Variants in CPQ observed in about 807,000 individuals in gnomAD.
The protein encoded by CPQ is carboxypeptidase Q.
CPQ carries 37 observed loss-of-function variants against 45.7 expected under a neutral mutation model. The ratio of observed to expected loss-of-function variants is 0.81; its 90% CI spans 0.62 to 1.07. The LOEUF is 1.07. Among genes scored for constraint, CPQ ranks in the 50% least tolerant of loss-of-function variants. The pLI, the probability that CPQ is intolerant of heterozygous loss-of-function variation, is 0.00. For synonymous variants in CPQ, 186 were observed against 205.8 expected (o/e 0.90, Z 0.82); for missense variants, 537 against 572.9 (o/e 0.94, Z 0.64).
At chr8:97,055,102 G>A (rs1186886209) in intron 6 of CPQ, among the ~76,000 whole-genome samples, 1 of 152,064 alleles carries the variant, frequency 6.6e-6, no homozygotes, top group Non-Finnish European at 1.5e-5. Context: ...GTGATTGTTG[G>A]TTTTGCTCTC....
At chr8:96,792,518 T>C (rs1438090132) in intron 2 of CPQ, among the ~76,000 whole-genome samples, 1 of 152,226 alleles carries the variant, frequency 6.6e-6, no homozygotes, top group Non-Finnish European at 1.5e-5. Flanking sequence ...TAGGATTGTA[T>C]GTTTTTATTA....
intron 1 of CPQ, among the ~76,000 whole-genome samples, chr8:96,683,617 A>C (rs1809181415): frequency 6.6e-6 from 1 of 151,968 alleles, no homozygotes; most frequent in South Asian, 2.1e-4. Flanking sequence ...CAGGTTTTCT[A>C]TGTTGTTATC....
At chr8:96,964,005 C>A (rs1813508503) in intron 4 of CPQ, among the ~76,000 whole-genome samples, 1 of 151,256 alleles carries the variant, frequency 6.6e-6, no homozygotes, top group Non-Finnish European at 1.5e-5. Context: ...TTTTCCATTT[C>A]TATATTATTG....
At chr8:97,118,655 T>C (rs565699201) in intron 7 of CPQ, among the ~76,000 whole-genome samples, 9 of 152,272 alleles carry the variant, frequency 5.9e-5, no homozygotes, top group African/African-American at 2.2e-4. Context: ...CCTCACAGCT[T>C]GAGGTAGCAT....
At chr8:96,962,202 T>C (rs1181684407) in intron 4 of CPQ, among the ~76,000 whole-genome samples, 2 of 152,204 alleles carry the variant, frequency 1.3e-5, no homozygotes, top group Non-Finnish European at 2.9e-5. Flanking sequence ...GCCTCGCAAA[T>C]AACAAACCCT....
At chr8:96,655,789 C>T (rs1425700987) in intron 1 of CPQ, among the ~76,000 whole-genome samples, 9 of 152,118 alleles carry the variant, frequency 5.9e-5, no homozygotes, top group Non-Finnish European at 8.8e-5. Flanking sequence ...CTGATAAGTC[C>T]GTTGTAAAGT....
chr8:96,743,788 A>C (rs374874306), intron 1 of CPQ, among the ~76,000 whole-genome samples: 1 of 145,768 alleles, frequency 6.9e-6, no homozygotes, highest in African/African-American at 2.5e-5. Context: ...TAGGCTGCTC[A>C]GGGGTCAGGG....
At chr8:96,695,706 G>C (rs1462775912) in intron 1 of CPQ, among the ~76,000 whole-genome samples, 3 of 151,544 alleles carry the variant, frequency 2.0e-5, no homozygotes, top group Non-Finnish European at 2.9e-5. Context: ...ATCATCACTG[G>C]CCATCAGAGA....
At chr8:96,786,081 T>C (rs2130810002) in intron 2 of CPQ, among the ~76,000 whole-genome samples, 1 of 152,310 alleles carries the variant, frequency 6.6e-6, no homozygotes, top group Non-Finnish European at 1.5e-5. Flanking sequence ...CAAGCGATTT[T>C]TAATATATTC....
intron 4 of CPQ, among the ~76,000 whole-genome samples, chr8:96,936,935 T>C (rs1159622297): frequency 6.6e-6 from 1 of 152,132 alleles, no homozygotes; most frequent in Admixed American, 6.6e-5. Context: ...GTCATATGTA[T>C]GGATTTAGCA....
At chr8:96,685,660 A>G (rs776337352) in intron 1 of CPQ, among the ~76,000 whole-genome samples, 3 of 152,122 alleles carry the variant, frequency 2.0e-5, no homozygotes, top group Non-Finnish European at 4.4e-5. Flanking sequence ...TTGCATTGCT[A>G]ATCCCGATCA....
intron 3 of CPQ, among the ~76,000 whole-genome samples, chr8:96,864,184 C>T (rs1212696825): frequency 6.6e-6 from 1 of 152,022 alleles, no homozygotes; most frequent in Non-Finnish European, 1.5e-5. Context: ...CACTTCCTAA[C>T]TGGCTTATTC....
intron 4 of CPQ, among the ~76,000 whole-genome samples, chr8:96,917,317 T>C (rs1812746593): frequency 6.6e-6 from 1 of 152,198 alleles, no homozygotes; most frequent in Non-Finnish European, 1.5e-5. Flanking sequence ...ATTCTATAAG[T>C]ACTGGTTATA....
intron 1 of CPQ, among the ~76,000 whole-genome samples, chr8:96,712,096 A>G (rs1809614737): frequency 6.6e-6 from 1 of 152,188 alleles, no homozygotes; most frequent in Admixed American, 6.5e-5. Context: ...TAGGGCAGTC[A>G]TTAAACCTTA....
At chr8:97,048,686 G>A (rs1013828682) in intron 6 of CPQ, among the ~76,000 whole-genome samples, 2 of 152,204 alleles carry the variant, frequency 1.3e-5, no homozygotes, top group Admixed American at 1.3e-4. Context: ...GTGATCAGGA[G>A]CTGCCCCTTT....
At chr8:97,118,579 T>G (rs922622044) in intron 7 of CPQ, among the ~76,000 whole-genome samples, 1 of 152,216 alleles carries the variant, frequency 6.6e-6, no homozygotes, top group African/African-American at 2.4e-5. Context: ...AGCAGGGTTC[T>G]TGTGAAGATC....
intron 2 of CPQ, among the ~76,000 whole-genome samples, chr8:96,793,700 A>C (rs1217024805): frequency 6.6e-6 from 1 of 152,214 alleles, no homozygotes; most frequent in Non-Finnish European, 1.5e-5. Context: ...ATCCGAGACA[A>C]GGCAAGTCCT....
chr8:97,119,988 C>T (rs1181550377), intron 7 of CPQ, among the ~76,000 whole-genome samples: 2 of 152,162 alleles, frequency 1.3e-5, no homozygotes, highest in Non-Finnish European at 2.9e-5. Context: ...GTTTACAGAG[C>T]AAATACCAAA....
chr8:96,963,500 C>T lies in CPQ; in HGVS notation c.850-2435C>T, dbSNP rs540922140. ...GTCCGTATGTAAGTCAGTGGGAGATCGTGCAGCTGCTCAGTGAATCATTCA... is the reference window on the plus strand; with the variant it reads ...GTCCGTATGTAAGTCAGTGGGAGATTGTGCAGCTGCTCAGTGAATCATTCA... On this transcript the variant is annotated intron_variant, in intron 4 of 7. Coordinates refer to ENST00000220763, the MANE Select transcript of CPQ (RefSeq NM_016134.4). 1.9e-4 allele frequency among the ~76,000 whole-genome samples: 29 copies of T among 152,262 alleles called. No individual in the cohort carries two copies. In the Middle Eastern group the frequency reaches 0.01, roughly 54 times the overall value.
Sources: allele counts gnomAD v4.1 joint callset (sites outside exome capture counted in the v4.1 genomes callset), GRCh38; gene constraint gnomAD v4.1.1; transcripts MANE v1.5; gene names NCBI Gene and HGNC (gene_info 2026-07-23, HGNC 2026-07-21).